The following ROCK2 variants were observed in gnomAD, a reference collection of about 807,000 sequenced individuals.
ROCK2 encodes the protein rho-associated protein kinase 2.
Under a neutral mutation model 195.1 loss-of-function variants are expected in ROCK2, and 61 were observed. The observed-to-expected ratio is 0.31, with a 90% CI of 0.25 to 0.39. The LOEUF (loss-of-function observed/expected upper bound fraction) is 0.39, where lower values mean the gene tolerates loss of function less well. ROCK2 is among the 10% of genes least tolerant of loss of function. The pLI is 1.00. For synonymous variants in ROCK2, 504 were observed against 545.5 expected (o/e 0.92, Z 1.06); for missense variants, 1,109 against 1,637.4 (o/e 0.68, Z 5.57).
At chr2:11,233,371 G>T (rs184647774) in intron 5 of ROCK2, among the ~76,000 whole-genome samples, 3 of 152,284 alleles carry the variant, frequency 2.0e-5, no homozygotes, top group Admixed American at 6.5e-5. Flanking sequence ...GTGTTAGCAA[G>T]GATATGGGGA....
At chr2:11,336,822 T>C (rs1212469872) in intron 1 of ROCK2, among the ~76,000 whole-genome samples, 5 of 152,212 alleles carry the variant, frequency 3.3e-5, no homozygotes. Context: ...AAATGTATCC[T>C]AGACCTAAAT....
At chr2:11,329,725 G>C (rs1441093768) in intron 1 of ROCK2, among the ~76,000 whole-genome samples, 1 of 151,324 alleles carries the variant, frequency 6.6e-6, no homozygotes, top group African/African-American at 2.4e-5. Context: ...GCTTGCAGCA[G>C]AAATTGTTTT....
chr2:11,264,915 T>C (rs1283457502), intron 3 of ROCK2, among the ~76,000 whole-genome samples: 1 of 152,214 alleles, frequency 6.6e-6, no homozygotes, highest in African/African-American at 2.4e-5. Context: ...TCTATATTTA[T>C]TGACATGGAA....
At chr2:11,319,278 G>C (rs192147585) in intron 1 of ROCK2, among the ~76,000 whole-genome samples, 163 of 151,960 alleles carry the variant, frequency 1.1e-3, no homozygotes, top group African/African-American at 3.6e-3. Flanking sequence ...CTTTTATTTC[G>C]TTGAGCAGTG....
intron 1 of ROCK2, among the ~76,000 whole-genome samples, chr2:11,331,730 G>A (rs1323314649): frequency 6.6e-6 from 1 of 152,102 alleles, no homozygotes; most frequent in South Asian, 2.1e-4. Context: ...TTTGAGACCA[G>A]CCTGGCCAAC....
At chr2:11,212,104 A>C (rs1324502985) in intron 17 of ROCK2, among the ~76,000 whole-genome samples, 1 of 151,864 alleles carries the variant, frequency 6.6e-6, no homozygotes, top group Non-Finnish European at 1.5e-5. Context: ...ATGTAGAGAC[A>C]AGGTCTCATT....
At chr2:11,320,532 C>A (rs570829420) in intron 1 of ROCK2, among the ~76,000 whole-genome samples, 33 of 152,194 alleles carry the variant, frequency 2.2e-4, no homozygotes, top group Non-Finnish European at 4.4e-4. Flanking sequence ...GTGATAAATA[C>A]CTTACATAAA....
rs147001239 is a variant in ROCK2, at chr2:11,214,666, A to G, written c.1936+174T>C. Among the ~76,000 whole-genome samples, 1,085 of 152,340 alleles carry G rather than the reference A, an allele frequency of 7.1e-3. 15 individuals are homozygous for G. The highest frequency in any genetic ancestry group is 0.025 in the African/African-American group (1,033 of 41,582). ...AGAGTTTAATACTTAAAATCATACTATTTGAAATTAAATCTTTTGTTCCTA... is the reference window on the plus strand; with the variant it reads ...AGAGTTTAATACTTAAAATCATACTGTTTGAAATTAAATCTTTTGTTCCTA... On this transcript the variant is annotated intron_variant, in intron 16 of 32. Coordinates refer to ENST00000315872, the MANE Select transcript of ROCK2 (RefSeq NM_004850.5).
At chr2:11,184,278 A>C (rs1161685954) in intron 32 of ROCK2, among the ~76,000 whole-genome samples, 1 of 152,216 alleles carries the variant, frequency 6.6e-6, no homozygotes, top group African/African-American at 2.4e-5. Context: ...AAAAGGAGAG[A>C]GATGGAGAAA....
intron 3 of ROCK2, among the ~76,000 whole-genome samples, chr2:11,283,286 C>T (rs182398344): frequency 0.042 from 6,204 of 148,714 alleles, 256 homozygotes; most frequent in Non-Finnish European, 0.059. Context: ...AGAGGCTGGG[C>T]GCAGTGGCTC....
intron 4 of ROCK2, among the ~76,000 whole-genome samples, chr2:11,247,771 G>A (rs1351801091): frequency 6.6e-6 from 1 of 152,196 alleles, no homozygotes; most frequent in Non-Finnish European, 1.5e-5. Context: ...TGTAATCCCA[G>A]CACTTTGGGG....
chr2:11,230,554 G>A (rs796852395), intron 5 of ROCK2, among the ~76,000 whole-genome samples: 23 of 152,172 alleles, frequency 1.5e-4, no homozygotes, highest in African/African-American at 5.3e-4. Flanking sequence ...GCAGGGGGTC[G>A]TATCAGAAGA....
intron 4 of ROCK2, 151 bp from the exon 5 acceptor site, chr2:11,236,113 C>T: frequency 2.8e-6 from 2 of 715,572 alleles, no homozygotes; most frequent in Non-Finnish European, 4.2e-6. Context: ...ATTTTAGACT[C>T]AGGCGTATGT....
Position 11,227,319 on chromosome 2 carries a change from T to C in ROCK2, c.803A>G (p.Asp268Gly). The C allele has an allele frequency of 1.2e-6, 2 of 1,613,940 alleles. No individual in the cohort carries two copies. Among genetic ancestry groups the C allele is most frequent in the Non-Finnish European group, 1.7e-6 (2 of 1,179,902 alleles). The change falls in exon 6 of 33, where the codon GAT becomes GGT. Residue 268 changes from aspartate to glycine, a missense_variant. Around this residue, in one of 6 missense-constraint regions of ROCK2, gnomAD observed 253 missense variants for 455.5 expected, o/e 0.56. Coordinates refer to ENST00000315872, the MANE Select transcript of ROCK2 (RefSeq NM_004850.5). ...ATCACATTCTCGCCCATAGAAACCA[T>C]CACCCCCTTGTGATTTCAGAACCTC... ...SPEVLKSQGG[D>G]GFYGRECDWW...
At chr2:11,268,606 G>A (rs1440412578) in intron 3 of ROCK2, among the ~76,000 whole-genome samples, 1 of 149,708 alleles carries the variant, frequency 6.7e-6, no homozygotes, top group Non-Finnish European at 1.5e-5. Context: ...TGAATATATT[G>A]GCCCACTGTC....
At chr2:11,345,385 G>A (rs140884389), upstream of ROCK2, among the ~76,000 whole-genome samples, 1,069 of 152,326 alleles carry the variant, frequency 7.0e-3, 15 homozygotes, top group African/African-American at 0.024. Context: ...CCGTTCCGCC[G>A]CATTCCTGCC....
intron 1 of ROCK2, among the ~76,000 whole-genome samples, chr2:11,306,567 ATGAC>A (rs1396244086): frequency 6.6e-6 from 1 of 152,232 alleles, no homozygotes; most frequent in East Asian, 1.9e-4. Context: ...TATTCATTAA[ATGAC>A]TGAGTGTACA....
chr2:11,268,454 G>T lies in ROCK2; in HGVS notation c.324+18085C>A, dbSNP rs1666496959. Reference sequence around the variant, plus strand: ...GCTTCTTAAGGTCAGCCCTCCGGATGTAACAGTTTTACTGTGTGTGTGTGT... The same window carrying T: ...GCTTCTTAAGGTCAGCCCTCCGGATTTAACAGTTTTACTGTGTGTGTGTGT... On this transcript the variant is annotated intron_variant, in intron 3 of 32. Coordinates refer to ENST00000315872, the MANE Select transcript of ROCK2 (RefSeq NM_004850.5). 2.0e-5 allele frequency among the ~76,000 whole-genome samples: 3 copies of T among 147,606 alleles called. No individual in the cohort carries two copies. The South Asian group carries it at 6.8e-4, about 33-fold the overall frequency.
At chr2:11,279,837 G>A (rs1666942172) in intron 3 of ROCK2, among the ~76,000 whole-genome samples, 1 of 152,128 alleles carries the variant, frequency 6.6e-6, no homozygotes, top group Non-Finnish European at 1.5e-5. Context: ...TCTATTCTCA[G>A]ATCACTATGG....
Sources: allele counts gnomAD v4.1 joint callset (sites outside exome capture counted in the v4.1 genomes callset), GRCh38; gene constraint gnomAD v4.1.1; regional missense constraint gnomAD v4.1.1; transcripts MANE v1.5; gene names NCBI Gene and HGNC (gene_info 2026-07-23, HGNC 2026-07-21).